The following PLCL1 variants were observed in gnomAD, a reference collection of about 807,000 sequenced individuals.
PLCL1 encodes phospholipase C like 1 (inactive).
In PLCL1, 41 loss-of-function variants were observed where a neutral mutation model predicts 84.4. That is an observed-to-expected ratio of 0.49 (90% confidence interval 0.38 to 0.63). PLCL1 has a LOEUF of 0.63. Among genes scored for constraint, PLCL1 ranks in the 30% least tolerant of loss-of-function variants. The pLI is 0.00. For synonymous variants in PLCL1, 490 were observed against 488.3 expected, an observed-to-expected ratio of 1.00 and a Z score of -0.05; for missense variants, 1,206 against 1,367.8, an observed-to-expected ratio of 0.88 and a Z score of 1.87.
At chr2:198,061,231 T>C (rs1490495612) in intron 1 of PLCL1, among the ~76,000 whole-genome samples, 1 of 152,226 alleles carries the variant, frequency 6.6e-6, no homozygotes, top group Non-Finnish European at 1.5e-5. Context: ...GGGTGTGTTA[T>C]AAAGATGTGA....
chr2:198,107,879 T>G (rs1042142331), intron 5 of PLCL1, among the ~76,000 whole-genome samples: 3 of 151,866 alleles, frequency 2.0e-5, no homozygotes, highest in Non-Finnish European at 4.4e-5. Flanking sequence ...ATTTCCACAC[T>G]TCCAATAGCT....
At chr2:198,060,062 G>T (rs1692155446) in intron 1 of PLCL1, among the ~76,000 whole-genome samples, 1 of 152,164 alleles carries the variant, frequency 6.6e-6, no homozygotes, top group Non-Finnish European at 1.5e-5. Context: ...GCTGCTGACA[G>T]CTCACAAGCT....
chr2:197,910,938 A>G (rs1235727017), intron 1 of PLCL1, among the ~76,000 whole-genome samples: 1 of 152,190 alleles, frequency 6.6e-6, no homozygotes, highest in African/African-American at 2.4e-5. Context: ...TTATATTTTG[A>G]TATAAAATTA....
rs1206731117 is a variant in PLCL1, at chr2:198,011,619, C to G, written c.241-72139C>G. On this transcript the variant is annotated intron_variant, in intron 1 of 5. Coordinates refer to ENST00000428675, the MANE Select transcript of PLCL1 (RefSeq NM_006226.4). ...GATGTTGTATATATATATCTGTAGA[C>G]CCAGTTGGTCTGTTGTGTTGTTCAG... Among the ~76,000 whole-genome samples the G allele has an allele frequency of 2.0e-5, 3 of 151,936 alleles. No homozygotes were observed. In the East Asian group the frequency reaches 5.8e-4, roughly 29 times the overall value.
intron 1 of PLCL1, among the ~76,000 whole-genome samples, chr2:197,854,500 A>G (rs1687296104): frequency 6.6e-6 from 1 of 152,160 alleles, no homozygotes; most frequent in Non-Finnish European, 1.5e-5. Context: ...AAATCTTCAA[A>G]TGAGTTTTTA....
chr2:197,884,990 C>G (rs1033253412), intron 1 of PLCL1, among the ~76,000 whole-genome samples: 2 of 152,162 alleles, frequency 1.3e-5, no homozygotes, highest in Admixed American at 6.5e-5. Flanking sequence ...TAAGGCCTGA[C>G]GTGGTTTGGC....
At chr2:198,065,035 C>G (rs1692291300) in intron 1 of PLCL1, among the ~76,000 whole-genome samples, 1 of 152,108 alleles carries the variant, frequency 6.6e-6, no homozygotes, top group Admixed American at 6.5e-5. Context: ...TGCAAATACA[C>G]AAACCTACAT....
At chr2:197,994,022 AG>A (rs1482404990) in intron 1 of PLCL1, among the ~76,000 whole-genome samples, 1 of 152,078 alleles carries the variant, frequency 6.6e-6, no homozygotes, top group Non-Finnish European at 1.5e-5. Flanking sequence ...CTTACCCTTT[AG>A]GGTTCTCAAG....
intron 1 of PLCL1, among the ~76,000 whole-genome samples, chr2:197,841,345 G>A (rs529334167): frequency 3.0e-4 from 45 of 152,206 alleles, no homozygotes; most frequent in East Asian, 7.7e-4. Context: ...TAGTGGCACC[G>A]TCCTGAAAAT....
In PLCL1 at chr2:198,085,956, G is replaced by A. The variant is rs772360637; in HGVS notation, c.2439G>A (p.Thr813=). 8.1e-6 allele frequency: 13 copies of A among 1,613,950 alleles called. No individual in the cohort carries two copies. The highest frequency in any genetic ancestry group is 1.3e-5 in the African/African-American group (1 of 74,886). ...GGGATGAGTTTATAGGGCAATATAC[G>A]ATACCATTTGAATGTTTGCAGCCTG... ...YIGDEFIGQY[T]IPFECLQPGY... is the part of the protein sequence containing the mutation. Residue 813 remains threonine, a synonymous_variant, in exon 2 of 6, where the codon ACG becomes ACA. Coordinates refer to ENST00000428675, the MANE Select transcript of PLCL1 (RefSeq NM_006226.4). This position sits in a 1 kb window ranked among gnomAD's most constrained non-coding sequence, Gnocchi z 5.3.
Position 197,805,313 on chromosome 2 carries a change from A to C in PLCL1, c.214A>C (p.Thr72Pro). Residue 72 changes from threonine to proline, a missense_variant, in exon 1 of 6, where the codon ACC becomes CCC. Coordinates refer to ENST00000428675, the MANE Select transcript of PLCL1 (RefSeq NM_006226.4). The surrounding 1 kb of genome is among the most constrained non-coding windows in gnomAD (Gnocchi z 4.0). ...GGGCCTCCTGGAGGCAGCACGGGCG[A>C]CCCCCCGGCGCAGCAGCATCATCAA... is the stretch of plus-strand genomic sequence containing the variant. ...EAGLLEAARATPRRSSIIKDP... is the reference protein window; with the variant it reads ...EAGLLEAARAPPRRSSIIKDP... 2 of 1,299,758 alleles carry C rather than the reference A, an allele frequency of 1.5e-6. No homozygotes were observed. 80.5% of individuals were successfully genotyped at this position (1,299,758 alleles called of 1,614,324 possible). A position where few individuals can be genotyped will look rare whatever the true frequency, so the allele number is the denominator to read the frequency against.
intron 1 of PLCL1, among the ~76,000 whole-genome samples, chr2:198,046,156 G>A (rs1288607686): frequency 1.3e-5 from 2 of 152,148 alleles, no homozygotes; most frequent in Non-Finnish European, 2.9e-5. Context: ...TTTATGTATT[G>A]TTTATAGCTG....
intron 1 of PLCL1, among the ~76,000 whole-genome samples, chr2:197,996,049 A>G (rs544963698): frequency 6.6e-6 from 1 of 152,188 alleles, no homozygotes; most frequent in African/African-American, 2.4e-5. Flanking sequence ...AGGGGGCTGC[A>G]TACATCATGT....
intron 1 of PLCL1, among the ~76,000 whole-genome samples, chr2:197,835,605 C>T (rs1317382557): frequency 1.3e-5 from 2 of 152,148 alleles, no homozygotes; most frequent in African/African-American, 4.8e-5. Flanking sequence ...TGGACTGGAG[C>T]CAAACGCTTT....
At chr2:197,969,943 T>C (rs1447884616) in intron 1 of PLCL1, among the ~76,000 whole-genome samples, 1 of 152,184 alleles carries the variant, frequency 6.6e-6, no homozygotes, top group Non-Finnish European at 1.5e-5. Flanking sequence ...CTTTGAGCCA[T>C]TGAGATTTTG....
At chr2:197,818,058 T>C (rs767414040) in intron 1 of PLCL1, among the ~76,000 whole-genome samples, 15 of 152,046 alleles carry the variant, frequency 9.9e-5, no homozygotes, top group Non-Finnish European at 2.1e-4. Context: ...TGATTGGCGT[T>C]AAAAGTAAGC....
intron 5 of PLCL1, among the ~76,000 whole-genome samples, chr2:198,116,813 A>T (rs1693759507): frequency 6.6e-6 from 1 of 151,944 alleles, no homozygotes; most frequent in Non-Finnish European, 1.5e-5. Context: ...CTAACCCCTC[A>T]TGATGGGATT....
chr2:198,111,744 A>C (rs1217899991), intron 5 of PLCL1, among the ~76,000 whole-genome samples: 2 of 151,892 alleles, frequency 1.3e-5, no homozygotes, highest in Non-Finnish European at 2.9e-5. Flanking sequence ...GTGATGGAGC[A>C]AGGATTTAAC....
chr2:197,836,162 A>G (rs1293401546), intron 1 of PLCL1, among the ~76,000 whole-genome samples: 1 of 152,170 alleles, frequency 6.6e-6, no homozygotes, highest in Non-Finnish European at 1.5e-5. Context: ...TAATTTTCCT[A>G]TTAAAATTAT....
Sources: allele counts gnomAD v4.1 joint callset (sites outside exome capture counted in the v4.1 genomes callset), GRCh38; gene constraint gnomAD v4.1.1; non-coding constraint Gnocchi (gnomAD v3.1); transcripts MANE v1.5; gene names NCBI Gene and HGNC (gene_info 2026-07-23, HGNC 2026-07-21).